SPNS2: variants seen among roughly 807,000 people sequenced by gnomAD.
SPNS2 encodes the protein SPNS lysolipid transporter 2, sphingosine-1-phosphate.
A neutral mutation model predicts 57.6 loss-of-function variants in SPNS2; 37 were observed. The observed-to-expected ratio is 0.64, with a 90% CI of 0.49 to 0.85. The LOEUF is 0.85. Ranked by LOEUF, SPNS2 falls within the 40% of genes least tolerant of loss-of-function variation. SPNS2 has a pLI of 0.00. For missense variants in SPNS2, 831 were observed against 779.1 expected (o/e 1.07, Z -0.79); for synonymous variants, 440 against 346.9 (o/e 1.27, Z -2.98).
At chr17:4,522,220 A>G (rs1474820887) in intron 2 of SPNS2, among the ~76,000 whole-genome samples, 1 of 152,246 alleles carries the variant, frequency 6.6e-6, no homozygotes, top group Admixed American at 6.5e-5. Context: ...AAATGAGCAA[A>G]CACGCCACAT....
At chr17:4,536,507 T>TGGGGC in intron 11 of SPNS2, 81 bp downstream of exon 11, 1 of 1,419,194 alleles carries the variant, frequency 7.0e-7, no homozygotes, top group East Asian at 2.3e-5. Flanking sequence ...TGCCCTGGGG[T>TGGGGC]GGGGCGGGGA....
chr17:4,517,236 G>A (rs1229782681), intron 2 of SPNS2, among the ~76,000 whole-genome samples: 1 of 152,178 alleles, frequency 6.6e-6, no homozygotes, highest in Non-Finnish European at 1.5e-5. Flanking sequence ...CTTCCCCATA[G>A]AGGCCCCCTC....
At chr17:4,504,537 T>C (rs1034397079) in intron 1 of SPNS2, among the ~76,000 whole-genome samples, 3 of 152,262 alleles carry the variant, frequency 2.0e-5, no homozygotes, top group African/African-American at 7.2e-5. Flanking sequence ...CTGCAGGTGA[T>C]AGCCTGTTCT....
chr17:4,531,400 A>G (rs905986214), intron 5 of SPNS2, among the ~76,000 whole-genome samples: 10 of 152,080 alleles, frequency 6.6e-5, no homozygotes, highest in African/African-American at 1.9e-4. Context: ...TGAGAGAACC[A>G]AGGATTCTCC....
intron 9 of SPNS2, among the ~76,000 whole-genome samples, chr17:4,534,097 C>T (rs774373418): frequency 5.9e-5 from 9 of 152,210 alleles, no homozygotes; most frequent in African/African-American, 9.6e-5. Context: ...GGGGGCATCT[C>T]GAGGCTCAGG....
Position 4,532,625 on chromosome 17 carries a change from C to T in SPNS2, c.876C>T (p.Leu292=), listed in dbSNP as rs779047690. ...PATKRGHADQ[L]GDQLKARTSW... ...CTAAAAGGGGTCATGCCGACCAGCT[C>T]GGGGACCAGCTCAAGGCCCGGACCT... Residue 292 remains leucine, a synonymous_variant, in exon 6 of 13, where the codon CTC becomes CTT. Coordinates refer to ENST00000329078, the MANE Select transcript of SPNS2 (RefSeq NM_001124758.3). 27 of 1,613,928 alleles carry T rather than the reference C, an allele frequency of 1.7e-5. No individual in the cohort carries two copies. Among genetic ancestry groups the T allele is most frequent in the South Asian group, 4.4e-5 (4 of 91,082 alleles).
chr17:4,520,396 G>GA (rs1905109273), intron 2 of SPNS2, among the ~76,000 whole-genome samples: 1 of 152,170 alleles, frequency 6.6e-6, no homozygotes, highest in Non-Finnish European at 1.5e-5. Context: ...GAGCATGATG[G>GA]CCGGGGTCTG....
At chr17:4,531,160 C>T (rs1905452382) in intron 5 of SPNS2, 41 bp downstream of exon 5, 2 of 1,598,012 alleles carry the variant, frequency 1.3e-6, no homozygotes, top group Non-Finnish European at 1.7e-6. Context: ...CCCTCCGGTC[C>T]AGACCTCGCC....
intron 3 of SPNS2, among the ~76,000 whole-genome samples, chr17:4,530,185 C>A (rs1905402959): frequency 6.6e-6 from 1 of 152,178 alleles, no homozygotes; most frequent in Non-Finnish European, 1.5e-5. Flanking sequence ...TCACACTGGG[C>A]CCTCAGTGCT....
chr17:4,500,122 C>A (rs1032638917), intron 1 of SPNS2, among the ~76,000 whole-genome samples: 1 of 152,176 alleles, frequency 6.6e-6, no homozygotes, highest in African/African-American at 2.4e-5. Context: ...TAGGGTAGGG[C>A]GCAGGCCTCT....
chr17:4,512,990 A>G lies in SPNS2; in HGVS notation c.371-257A>G, dbSNP rs1321677147. ...TAGGAGGTGTGGTTGCCCATGGGGC[A>G]GAATGACCGCAGAGGAGCCCTGCCT... is the stretch of plus-strand genomic sequence containing the variant. On this transcript the variant is annotated intron_variant, in intron 1 of 12. Coordinates refer to ENST00000329078, the MANE Select transcript of SPNS2 (RefSeq NM_001124758.3). This position sits in a 1 kb window ranked among gnomAD's most constrained non-coding sequence, Gnocchi z 5.2. 6.6e-6 allele frequency among the ~76,000 whole-genome samples: 1 copy of G among 152,252 alleles called. No individual in the cohort carries two copies. The highest frequency in any genetic ancestry group is 6.5e-5 in the Admixed American group (1 of 15,290).
intron 3 of SPNS2, among the ~76,000 whole-genome samples, chr17:4,527,949 C>CAA (rs34927238): frequency 7.8e-6 from 1 of 128,644 alleles, no homozygotes; most frequent in Non-Finnish European, 1.7e-5. Flanking sequence ...CTGGAATAGC[C>CAA]AAAAAAAAAA....
intron 9 of SPNS2, among the ~76,000 whole-genome samples, chr17:4,535,171 C>T (rs1284510475): frequency 6.6e-6 from 1 of 152,186 alleles, no homozygotes; most frequent in Non-Finnish European, 1.5e-5. Context: ...CCCGCCCCCA[C>T]CCCAGCCCCT....
intron 9 of SPNS2, among the ~76,000 whole-genome samples, chr17:4,535,499 C>T (rs1357975021): frequency 1.3e-5 from 2 of 152,194 alleles, no homozygotes; most frequent in Non-Finnish European, 1.5e-5. Context: ...CCCCGTGACC[C>T]AGGTCCAAGG....
At chr17:4,514,897 T>C (rs769249887) in intron 2 of SPNS2, among the ~76,000 whole-genome samples, 2 of 152,198 alleles carry the variant, frequency 1.3e-5, no homozygotes, top group African/African-American at 4.8e-5. Context: ...ACCCCCGCCC[T>C]GTGTGGCCCC....
intron 2 of SPNS2, among the ~76,000 whole-genome samples, chr17:4,522,758 G>A (rs1397000897): frequency 6.6e-6 from 1 of 152,204 alleles, no homozygotes; most frequent in Non-Finnish European, 1.5e-5. Context: ...CCAGGGGGAG[G>A]GATGGGGGGC....
intron 1 of SPNS2, among the ~76,000 whole-genome samples, chr17:4,506,229 C>A (rs894844750): frequency 6.6e-6 from 1 of 152,202 alleles, no homozygotes; most frequent in Non-Finnish European, 1.5e-5. Flanking sequence ...AGTCCCTGGC[C>A]GCCTTGGCTA....
chr17:4,508,859 C>G (rs1191297796), intron 1 of SPNS2, among the ~76,000 whole-genome samples: 1 of 152,190 alleles, frequency 6.6e-6, no homozygotes, highest in African/African-American at 2.4e-5. Context: ...CAGTGGGCCA[C>G]AGCGTTAGCT....
At chr17:4,502,113 C>T (rs998611593) in intron 1 of SPNS2, among the ~76,000 whole-genome samples, 1 of 152,120 alleles carries the variant, frequency 6.6e-6, no homozygotes, top group African/African-American at 2.4e-5. Context: ...CGGTGGCTCA[C>T]GCCTGTAAAC....
Sources: allele counts gnomAD v4.1 joint callset (sites outside exome capture counted in the v4.1 genomes callset), GRCh38; gene constraint gnomAD v4.1.1; non-coding constraint Gnocchi (gnomAD v3.1); transcripts MANE v1.5; gene names NCBI Gene and HGNC (gene_info 2026-07-23, HGNC 2026-07-21).